The following TRPC4 variants were observed in gnomAD, a reference collection of about 807,000 sequenced individuals.
The protein encoded by TRPC4 is short transient receptor potential channel 4.
In TRPC4, 49 loss-of-function variants were observed where a neutral mutation model predicts 99.4. The ratio of observed to expected loss-of-function variants is 0.49; its 90% confidence interval spans 0.39 to 0.63. TRPC4 has a LOEUF of 0.63. Among genes scored for constraint, TRPC4 ranks in the 20% least tolerant of loss-of-function variants. The probability of loss-of-function intolerance (pLI) is 0.00; values close to 1 mark genes in which losing one functional copy is unlikely to be tolerated. For synonymous variants in TRPC4, 454 were observed against 425.9 expected (o/e 1.07, Z -0.81); for missense variants, 898 against 1,152.9 (o/e 0.78, Z 3.20).
chr13:37,648,680 T>C (rs1277960998), intron 8 of TRPC4, among the ~76,000 whole-genome samples: 1 of 152,192 alleles, frequency 6.6e-6, no homozygotes, highest in Non-Finnish European at 1.5e-5. Context: ...CAGTAATATA[T>C]AGCAAATAAA....
chr13:37,663,857 G>T, intron 5 of TRPC4, 128 bp from the exon 6 acceptor site: 1 of 801,512 alleles, frequency 1.2e-6, no homozygotes, highest in Non-Finnish European at 1.9e-6. Context: ...TTCGATTTTT[G>T]AACACACTTG....
chr13:37,822,277 T>A (rs76245737), intron 1 of TRPC4, among the ~76,000 whole-genome samples: 4 of 77,742 alleles, frequency 5.1e-5, no homozygotes, highest in Admixed American at 4.9e-4. Flanking sequence ...CAGAATGGTT[T>A]TTTTTTTATT....
chr13:37,763,447 A>T (rs1034840721), intron 2 of TRPC4, among the ~76,000 whole-genome samples: 11 of 151,504 alleles, frequency 7.3e-5, no homozygotes, highest in Non-Finnish European at 1.0e-4. Context: ...GAGCTTGTTG[A>T]AGAAAAGATA....
At chr13:37,849,997 C>A (rs1481783002) in intron 1 of TRPC4, among the ~76,000 whole-genome samples, 1 of 152,186 alleles carries the variant, frequency 6.6e-6, no homozygotes, top group Non-Finnish European at 1.5e-5. Context: ...ATGGTTAAAT[C>A]AGAAACAATG....
intron 2 of TRPC4, among the ~76,000 whole-genome samples, chr13:37,748,460 T>C (rs1015988694): frequency 6.6e-6 from 1 of 152,114 alleles, no homozygotes; most frequent in African/African-American, 2.4e-5. Flanking sequence ...AATATATCCA[T>C]ACAGAATGGC....
intron 1 of TRPC4, among the ~76,000 whole-genome samples, chr13:37,852,729 G>A (rs1472208111): frequency 1.3e-5 from 2 of 152,120 alleles, no homozygotes; most frequent in African/African-American, 2.4e-5. Context: ...AAGGGAGCCC[G>A]CTACCTTGAA....
At chr13:37,822,724 T>C (rs1449499552) in intron 1 of TRPC4, among the ~76,000 whole-genome samples, 1 of 152,052 alleles carries the variant, frequency 6.6e-6, no homozygotes, top group Non-Finnish European at 1.5e-5. Flanking sequence ...AATGCCGCAA[T>C]GAACATACGT....
rs1358467885 is a variant in TRPC4 at position 37,705,266 on chromosome 13, A to G, written c.898-12931T>C. Among the ~76,000 whole-genome samples the G allele has an allele frequency of 2.0e-5, 3 of 152,154 alleles. No individual in the cohort carries two copies. The East Asian group carries it at 5.8e-4, about 29-fold the overall frequency. ...TAAAAGTTTGAATTCACAGATGCAGAGAGTAGAATGATGATTACCAGGGGC... is the reference window on the plus strand; with the variant it reads ...TAAAAGTTTGAATTCACAGATGCAGGGAGTAGAATGATGATTACCAGGGGC... On this transcript the variant is annotated intron_variant, in intron 3 of 10. Coordinates refer to ENST00000379705, the MANE Select transcript of TRPC4 (RefSeq NM_016179.4).
At chr13:37,783,763 T>G (rs1823138345) in intron 1 of TRPC4, among the ~76,000 whole-genome samples, 1 of 152,172 alleles carries the variant, frequency 6.6e-6, no homozygotes, top group Non-Finnish European at 1.5e-5. Context: ...AATATATAAT[T>G]CATTGTCAAT....
chr13:37,838,030 C>T (rs1225528626), intron 1 of TRPC4, among the ~76,000 whole-genome samples: 4 of 152,184 alleles, frequency 2.6e-5, no homozygotes, highest in Non-Finnish European at 5.9e-5. Context: ...CCATGTAAGA[C>T]GTGACTTGTT....
chr13:37,824,117 G>T (rs1347391663), intron 1 of TRPC4, among the ~76,000 whole-genome samples: 3 of 149,068 alleles, frequency 2.0e-5, no homozygotes, highest in African/African-American at 7.5e-5. Context: ...TTTGTACATT[G>T]ATTTTGTATC....
At chr13:37,817,032 C>T (rs927370345) in intron 1 of TRPC4, among the ~76,000 whole-genome samples, 1 of 151,918 alleles carries the variant, frequency 6.6e-6, no homozygotes, top group Admixed American at 6.6e-5. Flanking sequence ...AGCAATCAGG[C>T]AAGAGAAAGA....
At chr13:37,800,211 A>G (rs184344281) in intron 1 of TRPC4, among the ~76,000 whole-genome samples, 29 of 152,256 alleles carry the variant, frequency 1.9e-4, no homozygotes, top group Admixed American at 1.2e-3. Context: ...TTATTTATTT[A>G]GAGATAGGTC....
intron 4 of TRPC4, among the ~76,000 whole-genome samples, chr13:37,689,821 A>G (rs1023591102): frequency 2.0e-5 from 3 of 152,202 alleles, no homozygotes; most frequent in Non-Finnish European, 4.4e-5. Context: ...TTATGACATT[A>G]TATCACAAAT....
At chr13:37,815,535 A>G (rs1026315923) in intron 1 of TRPC4, among the ~76,000 whole-genome samples, 1 of 151,956 alleles carries the variant, frequency 6.6e-6, no homozygotes, top group African/African-American at 2.4e-5. Context: ...GCATTACATG[A>G]TAGTAAAGGA....
chr13:37,753,197 G>C (rs1260607463), intron 2 of TRPC4, among the ~76,000 whole-genome samples: 1 of 152,000 alleles, frequency 6.6e-6, no homozygotes, highest in Admixed American at 6.6e-5. Context: ...CAGCATCAAA[G>C]AGAAGACATG....
chr13:37,665,515 T>G (rs1306615255), intron 5 of TRPC4, among the ~76,000 whole-genome samples: 1 of 152,178 alleles, frequency 6.6e-6, no homozygotes, highest in Non-Finnish European at 1.5e-5. Flanking sequence ...TATTTTCTCC[T>G]GTCAAGTATT....
intron 3 of TRPC4, among the ~76,000 whole-genome samples, chr13:37,696,172 C>T (rs1456839655): frequency 6.6e-6 from 1 of 152,064 alleles, no homozygotes; most frequent in Non-Finnish European, 1.5e-5. Flanking sequence ...CTTTTTAAAA[C>T]CATCAGATCT....
At chr13:37,774,169 C>T (rs7327037) in intron 2 of TRPC4, among the ~76,000 whole-genome samples, 78,382 of 151,330 alleles carry the variant, frequency 0.52, 20,735 homozygotes, top group Middle Eastern at 0.56. Flanking sequence ...ACTCCACTTA[C>T]GTATTATCAC....
Sources: allele counts gnomAD v4.1 joint callset (sites outside exome capture counted in the v4.1 genomes callset), GRCh38; gene constraint gnomAD v4.1.1; transcripts MANE v1.5; gene names NCBI Gene and HGNC (gene_info 2026-07-23, HGNC 2026-07-21).